The following NCAM2 variants were observed in gnomAD, a reference collection of about 807,000 sequenced individuals.
NCAM2 encodes neural cell adhesion molecule 2.
In NCAM2, 30 loss-of-function variants were observed where a neutral mutation model predicts 98.1. The ratio of observed to expected loss-of-function variants is 0.31; its 90% CI spans 0.23 to 0.41. The LOEUF is 0.41. Among genes scored for constraint, NCAM2 ranks in the 10% least tolerant of loss-of-function variants. The pLI is 1.00. For missense variants in NCAM2, 867 were observed against 1,005.8 expected (o/e 0.86, Z 1.87); for synonymous variants, 368 against 342.4 (o/e 1.07, Z -0.83).
At chr21:21,081,395 A>C (rs1323616093) in intron 1 of NCAM2, among the ~76,000 whole-genome samples, 1 of 152,084 alleles carries the variant, frequency 6.6e-6, no homozygotes, top group Non-Finnish European at 1.5e-5. Context: ...CAACCACCTG[A>C]CCATCACCTG....
intron 5 of NCAM2, among the ~76,000 whole-genome samples, chr21:21,315,847 A>G (rs2074205380): frequency 6.6e-6 from 1 of 152,232 alleles, no homozygotes; most frequent in Non-Finnish European, 1.5e-5. Context: ...TAGATGACAT[A>G]CATATTCTAT....
intron 1 of NCAM2, among the ~76,000 whole-genome samples, chr21:21,262,989 G>A (rs1601801811): frequency 6.6e-6 from 1 of 151,940 alleles, no homozygotes; most frequent in African/African-American, 2.4e-5. Context: ...CCTCCCACCG[G>A]GTCACTCCCA....
chr21:21,485,860 A>T (rs1331816052), intron 15 of NCAM2, among the ~76,000 whole-genome samples: 1 of 152,180 alleles, frequency 6.6e-6, no homozygotes, highest in African/African-American at 2.4e-5. Context: ...ATAGCTACAG[A>T]ATCTTTTCAT....
chr21:21,405,242 T>C (rs938178713), intron 9 of NCAM2, among the ~76,000 whole-genome samples: 1 of 152,082 alleles, frequency 6.6e-6, no homozygotes, highest in African/African-American at 2.4e-5. Flanking sequence ...AGAGGCTGAA[T>C]ATTCTCAATG....
At chr21:21,148,610 A>G (rs1397005405) in intron 1 of NCAM2, among the ~76,000 whole-genome samples, 1 of 152,186 alleles carries the variant, frequency 6.6e-6, no homozygotes. Context: ...TCAAAAGTAG[A>G]TAAGAATCCT....
intron 1 of NCAM2, among the ~76,000 whole-genome samples, chr21:21,143,867 C>T (rs1482988226): frequency 7.1e-6 from 1 of 140,860 alleles, no homozygotes; most frequent in Non-Finnish European, 1.5e-5. Context: ...ACTTTCTACT[C>T]ATATTCTTGC....
At position 21,537,872 on chromosome 21, in the gene NCAM2, G is replaced by A. The variant is rs1990068580; in HGVS notation, c.2429G>A (p.Gly810Glu). The A allele has an allele frequency of 1.3e-6, 2 of 1,566,662 alleles. No homozygotes were observed. The highest frequency in any genetic ancestry group is 2.4e-5 in the South Asian group (2 of 84,598). ...PEKLPLKEED[G>E]KEALNPETIE... The stretch of plus-strand genomic sequence containing the variant: ...AAATTGCCTTTAAAGGAAGAAGATG[G>A]GAAAGAAGCTCTAAATCCAGAAACT... Residue 810 changes from glycine to glutamate, a missense_variant, in exon 18 of 18, where the codon GGG becomes GAG. Gly to Glu is a moderately conservative substitution (Grantham distance 98). This residue lies in a region of NCAM2 where 125 missense variants were observed against 116.1 expected (regional missense o/e 1.08). Transcript: ENST00000400546.
At chr21:21,053,965 A>G (rs1376471792) in intron 1 of NCAM2, among the ~76,000 whole-genome samples, 2 of 150,156 alleles carry the variant, frequency 1.3e-5, no homozygotes, top group Non-Finnish European at 3.0e-5. Context: ...TCAACTCTAC[A>G]TCTTTATATA....
chr21:21,271,897 G>C (rs896422870), intron 1 of NCAM2, among the ~76,000 whole-genome samples: 7 of 152,124 alleles, frequency 4.6e-5, no homozygotes, highest in African/African-American at 1.7e-4. Context: ...CCTGTCATGG[G>C]GTGAGGGGAG....
chr21:21,130,895 A>G (rs191687728), intron 1 of NCAM2, among the ~76,000 whole-genome samples: 23 of 152,328 alleles, frequency 1.5e-4, no homozygotes, highest in African/African-American at 5.3e-4. Flanking sequence ...TTGGCCAAGC[A>G]AAAACAATGA....
intron 8 of NCAM2, 117 bp downstream of exon 8, chr21:21,338,651 G>A: frequency 9.1e-7 from 1 of 1,092,982 alleles, no homozygotes; most frequent in Non-Finnish European, 1.3e-6. Context: ...TCAAATAAAT[G>A]GTTTGATTTT....
chr21:21,115,237 G>A (rs181185464), intron 1 of NCAM2, among the ~76,000 whole-genome samples: 7 of 152,256 alleles, frequency 4.6e-5, no homozygotes, highest in African/African-American at 1.7e-4. Flanking sequence ...CTAGTAAGTA[G>A]CATAAAAGAA....
intron 1 of NCAM2, among the ~76,000 whole-genome samples, chr21:21,200,693 G>T (rs9306005): frequency 1 from 150,064 of 150,064 alleles, 75,032 homozygotes; most frequent in Non-Finnish European, 1. Flanking sequence ...ACTCAATTAG[G>T]GACAAAAATG....
chr21:21,215,158 C>G (rs1055384011), intron 1 of NCAM2, among the ~76,000 whole-genome samples: 1 of 151,816 alleles, frequency 6.6e-6, no homozygotes, highest in East Asian at 1.9e-4. Context: ...GGGAGCCAAC[C>G]CAGATGCCCC....
chr21:21,312,267 T>C, intron 5 of NCAM2, among the ~76,000 whole-genome samples: 1 of 151,860 alleles, frequency 6.6e-6, no homozygotes, highest in Non-Finnish European at 1.5e-5. Flanking sequence ...TATTACATGA[T>C]TTTTTCTTTA....
chr21:21,021,543 A>G (rs984166874), intron 1 of NCAM2, among the ~76,000 whole-genome samples: 1 of 152,190 alleles, frequency 6.6e-6, no homozygotes, highest in African/African-American at 2.4e-5. Context: ...AATTGAGTCA[A>G]CGGTGATTGT....
At chr21:21,430,564 A>G (rs1342013848) in intron 11 of NCAM2, among the ~76,000 whole-genome samples, 1 of 152,010 alleles carries the variant, frequency 6.6e-6, no homozygotes, top group Non-Finnish European at 1.5e-5. Context: ...ACAGGGCGGC[A>G]GAACAGAGTG....
At chr21:21,391,639 A>T (rs555842489) in intron 9 of NCAM2, among the ~76,000 whole-genome samples, 1 of 152,266 alleles carries the variant, frequency 6.6e-6, no homozygotes, top group Non-Finnish European at 1.5e-5. Flanking sequence ...GCTCACCAAC[A>T]CTAACATGTC....
chr21:21,078,483 G>A (rs948306154), intron 1 of NCAM2, among the ~76,000 whole-genome samples: 7 of 152,126 alleles, frequency 4.6e-5, no homozygotes, highest in African/African-American at 1.7e-4. Context: ...AAACCACAAT[G>A]CAATACCATT....
Sources: allele counts gnomAD v4.1 joint callset (sites outside exome capture counted in the v4.1 genomes callset), GRCh38; gene constraint gnomAD v4.1.1; regional missense constraint gnomAD v4.1.1; transcripts MANE v1.5; gene names NCBI Gene and HGNC (gene_info 2026-07-23, HGNC 2026-07-21).